SYNE2: variants seen among roughly 807,000 people sequenced by gnomAD.
SYNE2 encodes nesprin-2.
In SYNE2, 431 loss-of-function variants were observed where a neutral mutation model predicts 856.3. The observed-to-expected ratio is 0.50, with a 90% CI of 0.47 to 0.55. The LOEUF is 0.55. SYNE2 is among the 20% of genes least tolerant of loss of function. The pLI, the probability that SYNE2 is intolerant of heterozygous loss-of-function variation, is 0.00. For synonymous variants in SYNE2, 2,923 were observed against 2,872.3 expected (o/e 1.02, Z -0.56); for missense variants, 8,129 against 8,023.2 (o/e 1.01, Z -0.50).
intron 111 of SYNE2, among the ~76,000 whole-genome samples, chr14:64,221,293 T>A (rs1047391179): frequency 1.3e-5 from 2 of 152,184 alleles, no homozygotes; most frequent in African/African-American, 4.8e-5. Flanking sequence ...GGCTGAGGAA[T>A]GCGTGTGGCC....
intron 74 of SYNE2, among the ~76,000 whole-genome samples, chr14:64,129,359 C>T (rs2097987504): frequency 6.6e-6 from 1 of 152,130 alleles, no homozygotes; most frequent in African/African-American, 2.4e-5. Flanking sequence ...CCCAGCAGCT[C>T]TGCTTGAATT....
At chr14:63,968,274 T>A (rs891914553) in intron 11 of SYNE2, among the ~76,000 whole-genome samples, 1 of 151,892 alleles carries the variant, frequency 6.6e-6, no homozygotes, top group Admixed American at 6.6e-5. Context: ...CATCAGAAAA[T>A]GGGATTGTGT....
rs777796361 is a variant in SYNE2, at chr14:64,051,826, C to T, written c.7913C>T (p.Thr2638Ile). The T allele has an allele frequency of 2.5e-6, 4 of 1,614,096 alleles. No individual in the cohort carries two copies. Among genetic ancestry groups the T allele is most frequent in the Non-Finnish European group, 3.4e-6 (4 of 1,180,024 alleles). ...FTTLMNKVQD[T>I]EISLQQQQQH... ...ACCCTCATGAATAAGGTACAGGACA[C>T]TGAGATTTCTCTGCAACAGCAGCAG... Residue 2638 changes from threonine to isoleucine, a missense_variant, in exon 48 of 116, where the codon ACT (threonine) becomes ATT (isoleucine). Thr to Ile is a moderately conservative substitution (Grantham distance 89, BLOSUM62 -1). Coordinates refer to ENST00000555002, the MANE Select transcript of SYNE2 (RefSeq NM_182914.3).
rs1234227546 is a variant in SYNE2 at position 64,003,118 on chromosome 14, T to A, written c.4185T>A (p.Asp1395Glu). 6.2e-7 allele frequency: 1 copy of A among 1,614,176 alleles called. No individual in the cohort carries two copies. Among genetic ancestry groups the A allele is most frequent in the Admixed American group, 1.7e-5 (1 of 60,018 alleles). The change falls in exon 30 of 116, where the codon GAT becomes GAA. Residue 1395 changes from aspartate to glutamate, a missense_variant. Around this residue, in one of 3 missense-constraint regions of SYNE2, gnomAD observed 2,422 missense variants for 2,357.4 expected, o/e 1.03. Transcript: ENST00000555002. ...DMSFKDAERG[D>E]DTSCENLLDA... Reference sequence around the variant, plus strand: ...GCTTTAAAGATGCTGAACGGGGTGATGACACCTCCTGTGAAAACCTGCTTG... The same window carrying A: ...GCTTTAAAGATGCTGAACGGGGTGAAGACACCTCCTGTGAAAACCTGCTTG...
At chr14:63,912,119 T>C (rs917542452) in intron 2 of SYNE2, among the ~76,000 whole-genome samples, 1 of 152,172 alleles carries the variant, frequency 6.6e-6, no homozygotes, top group African/African-American at 2.4e-5. Flanking sequence ...CCTCAAGAGA[T>C]ACCAACCAAG....
Position 64,126,328 on chromosome 14 carries a change from A to G in SYNE2, c.13556A>G (p.Glu4519Gly), listed in dbSNP as rs2097944972. The G allele has an allele frequency of 6.2e-7, 1 of 1,613,518 alleles. No individual in the cohort carries two copies. The highest frequency in any genetic ancestry group is 1.7e-5 in the Admixed American group (1 of 60,002). ...RQEASNLQTQENMTEEAYINL... is the reference protein window; with the variant it reads ...RQEASNLQTQGNMTEEAYINL... ...TTTTCTTTTTTCCTCTTGATTCAGG[A>G]AAATATGACAGAAGAAGCATATATC... The change falls in exon 72 of 116, where the codon GAA becomes GGA. Residue 4519 changes from glutamate to glycine, a missense_variant and splice_region_variant. By Grantham distance (98) the Glu-to-Gly change is moderately conservative. This residue lies in a region of SYNE2 where 5,410 missense variants were observed against 5,284.8 expected (regional missense o/e 1.02). Transcript: ENST00000555002.
intron 2 of SYNE2, among the ~76,000 whole-genome samples, chr14:63,916,135 T>C (rs1415606496): frequency 6.6e-6 from 1 of 151,790 alleles, no homozygotes; most frequent in Admixed American, 6.6e-5. Context: ...TCTTAGGAGA[T>C]GAGTTGAAGT....
intron 63 of SYNE2, 117 bp from the exon 64 acceptor site, chr14:64,101,815 C>A (rs955183786): frequency 2.7e-6 from 2 of 742,362 alleles, no homozygotes; most frequent in African/African-American, 3.5e-5. Flanking sequence ...CAATAAAGGG[C>A]TGTGGTTACA....
Position 64,042,188 on chromosome 14 carries a change from C to T in SYNE2, c.7222-5812C>T, listed in dbSNP as rs144777046. ...TAATCTGTTAACATGGATAAACCTC[C>T]AAACCTACTGCTGAGTGGAAAAAAA... On this transcript the variant is annotated intron_variant, in intron 45 of 115. Transcript: ENST00000555002. Among the ~76,000 whole-genome samples the T allele has an allele frequency of 5.0e-3, 756 of 152,190 alleles. 2 individuals carry two copies. Among genetic ancestry groups the T allele is most frequent in the African/African-American group, 0.017 (711 of 41,512 alleles).
chr14:64,098,044 C>A lies in SYNE2; in HGVS notation c.12204C>A (p.His4068Gln). Residue 4068 changes from histidine (H) to glutamine (Q), a missense_variant, in exon 62 of 116, where the codon CAC becomes CAA. Transcript: ENST00000555002. ...TGAAGGCCACCGTACTAAACCTTCACCAGCATTTGAAGCAAGAACAAGAAG... is the reference window on the plus strand; with the variant it reads ...TGAAGGCCACCGTACTAAACCTTCAACAGCATTTGAAGCAAGAACAAGAAG... ...VDLKATVLNL[H>Q]QHLKQEQEGV... 6.2e-7 allele frequency: 1 copy of A among 1,614,164 alleles called. No homozygotes were observed. The highest frequency in any genetic ancestry group is 1.1e-5 in the South Asian group (1 of 91,084).
chr14:64,216,672 G>A (rs1018804457), intron 108 of SYNE2, among the ~76,000 whole-genome samples: 5 of 152,218 alleles, frequency 3.3e-5, no homozygotes, highest in Non-Finnish European at 7.3e-5. Flanking sequence ...TGCAAATAGT[G>A]AGCAAGCAAG....
intron 96 of SYNE2, among the ~76,000 whole-genome samples, chr14:64,182,452 G>C (rs908748914): frequency 6.6e-6 from 1 of 151,716 alleles, no homozygotes; most frequent in Non-Finnish European, 1.5e-5. Context: ...GATTTGGCAC[G>C]GTCATAGGAC....
chr14:63,778,893 C>A (rs1261396685), intron 1 of SYNE2, among the ~76,000 whole-genome samples: 3 of 151,488 alleles, frequency 2.0e-5, no homozygotes, highest in African/African-American at 7.3e-5. Context: ...GATCCTCCTG[C>A]CTCAGTCTCC....
intron 2 of SYNE2, among the ~76,000 whole-genome samples, chr14:63,922,608 G>A (rs1430579420): frequency 6.6e-6 from 1 of 152,036 alleles, no homozygotes; most frequent in Non-Finnish European, 1.5e-5. Flanking sequence ...TGGGCAACAT[G>A]GCAAGACCCC....
chr14:63,875,899 C>T lies in SYNE2; in HGVS notation c.-52+22756C>T, dbSNP rs559963913. On this transcript the variant is annotated intron_variant, in intron 1 of 115. Transcript: ENST00000555002. ...CTGCAGTTCTTCAAGGTTCCCAGAC[C>T]GGTGACTTGATGCGAGAAACCCCAG... 9.9e-5 allele frequency among the ~76,000 whole-genome samples: 15 copies of T among 152,200 alleles called. No homozygotes were observed. The South Asian group carries it at 2.7e-3, about 27-fold the overall frequency.
At chr14:63,764,201 C>T (rs569998544) in intron 1 of SYNE2, among the ~76,000 whole-genome samples, 46 of 152,272 alleles carry the variant, frequency 3.0e-4, no homozygotes, top group African/African-American at 1.0e-3. Flanking sequence ...TGTGAGTCTA[C>T]AGACTGGATT....
At chr14:63,897,570 G>A (rs1202757710) in intron 1 of SYNE2, among the ~76,000 whole-genome samples, 6 of 152,180 alleles carry the variant, frequency 3.9e-5, no homozygotes, top group Admixed American at 2.0e-4. Context: ...GCAGAAATGA[G>A]CATCAGGCAG....
intron 8 of SYNE2, chr14:63,960,963 G>A: frequency 3.7e-6 from 2 of 537,332 alleles, no homozygotes; most frequent in Non-Finnish European, 6.6e-6. Context: ...ATTTCACCAT[G>A]GACTCTTAAT....
Position 63,812,175 on chromosome 14 carries a change from C to T in SYNE2, c.-304-40326C>T, listed in dbSNP as rs377019114. On this transcript the variant is annotated intron_variant, in intron 1 of 23. Coordinates refer to the SYNE2 transcript ENST00000674003. ...CCTCATAAGACAGACACTCCCAGAG[C>T]GGCCGTTTATAGACCTCCCCCCAGG... is the stretch of plus-strand genomic sequence containing the variant. Among the ~76,000 whole-genome samples the T allele has an allele frequency of 1.9e-4, 29 of 152,186 alleles. No individual in the cohort carries two copies. The East Asian group carries it at 4.2e-3, about 22-fold the overall frequency.
Sources: gnomAD v4.1 joint callset for allele counts (sites outside exome capture counted in the v4.1 genomes callset) on GRCh38, gnomAD v4.1.1 for gene constraint, gnomAD v4.1.1 regional missense constraint, MANE v1.5 for transcripts, NCBI Gene and HGNC (gene_info 2026-07-23, HGNC 2026-07-21) for gene names.